Variants in OTOG observed in about 807,000 individuals in gnomAD.
The protein encoded by OTOG is otogelin.
Under a neutral mutation model 313.8 loss-of-function variants are expected in OTOG, and 296 were observed. The observed-to-expected ratio is 0.94, with a 90% confidence interval of 0.86 to 1.04. The LOEUF (loss-of-function observed/expected upper bound fraction) is 1.04, where lower values mean the gene tolerates loss of function less well. Ranked by LOEUF, OTOG falls within the 50% of genes least tolerant of loss-of-function variation. OTOG has a pLI of 0.00. For missense variants in OTOG, 3,948 were observed against 3,840.1 expected (o/e 1.03, Z -0.74); for synonymous variants, 1,533 against 1,554.9 (o/e 0.99, Z 0.33).
At chr11:17,562,046 AAT>A (rs375919593) in intron 15 of OTOG, among the ~76,000 whole-genome samples, 125 of 139,810 alleles carry the variant, frequency 8.9e-4, no homozygotes, top group Middle Eastern at 3.7e-3. Context: ...CTAAAAAAAA[AAT>A]ATATATATAT....
chr11:17,629,312 G>A lies in OTOG; in HGVS notation c.6708G>A (p.Leu2236=), dbSNP rs1310745208. 5 of 1,547,902 alleles carry A rather than the reference G, an allele frequency of 3.2e-6. No homozygotes were observed. Among genetic ancestry groups the A allele is most frequent in the East Asian group, 2.4e-5 (1 of 40,882 alleles). ...CCAGCAAGGCCCAGGGCCATGGCCT[G>A]TGCGGTGAGGTGGAACCCAGCTTGC... The part of the protein sequence containing the change: ...SKTSKAQGHG[L]CGICDGDAAN... The change falls in exon 40 of 56, where the codon CTG becomes CTA. Residue 2236 remains leucine (L), a synonymous_variant. Coordinates refer to ENST00000399397, the MANE Select transcript of OTOG (RefSeq NM_001292063.2).
At chr11:17,636,764 T>C (rs773006689) in intron 47 of OTOG, among the ~76,000 whole-genome samples, 1 of 147,564 alleles carries the variant, frequency 6.8e-6, no homozygotes, top group East Asian at 2.0e-4. Flanking sequence ...GGCAGCCTAG[T>C]CCTATGGATG....
intron 39 of OTOG, among the ~76,000 whole-genome samples, chr11:17,623,751 T>G (rs1426006877): frequency 6.6e-6 from 1 of 152,244 alleles, no homozygotes; most frequent in African/African-American, 2.4e-5. Flanking sequence ...TGAACTAATT[T>G]ATACTCTCAC....
Position 17,559,103 on chromosome 11 carries a change from G to A in OTOG, c.1155G>A (p.Arg385=), listed in dbSNP as rs773611805. 25 of 1,545,810 alleles carry A rather than the reference G, an allele frequency of 1.6e-5. No homozygotes were observed. The highest frequency in any genetic ancestry group is 2.1e-5 in the Non-Finnish European group (24 of 1,146,964). The part of the protein sequence containing the change: ...TWCRALAEYA[R]ACAQAGRPLQ... The stretch of plus-strand genomic sequence containing the variant: ...GCCGGGCACTGGCGGAGTATGCCCG[G>A]GCGTGTGCCCAGGCAGGGCGGCCCT... The change falls in exon 11 of 56, where the codon CGG becomes CGA. Residue 385 remains arginine, a synonymous_variant. Coordinates refer to ENST00000399397, the MANE Select transcript of OTOG (RefSeq NM_001292063.2).
rs12273595 is a variant in OTOG at position 17,549,060 on chromosome 11, G to A, written c.216+848G>A. On this transcript the variant is annotated intron_variant, in intron 3 of 55. Transcript: ENST00000399397. ...ACCATTCCACTGCCCATCTTCCCAC[G>A]GTCCTCTGTGTTTGTGGGAGAGGTG... Among the ~76,000 whole-genome samples, 281 of 152,238 alleles carry A rather than the reference G, an allele frequency of 1.8e-3. 1 individual carries two copies. The highest frequency in any genetic ancestry group is 6.6e-3 in the African/African-American group (276 of 41,554).
intron 47 of OTOG, among the ~76,000 whole-genome samples, chr11:17,637,536 A>G (rs561628901): frequency 6.6e-6 from 1 of 152,178 alleles, no homozygotes; most frequent in African/African-American, 2.4e-5. Flanking sequence ...TAAAACTGAA[A>G]TTTCCATCTA....
Position 17,560,857 on chromosome 11 carries a change from C to T in OTOG, c.1451+40C>T, listed in dbSNP as rs1466531062. 8 of 1,490,970 alleles carry T rather than the reference C, an allele frequency of 5.4e-6. No homozygotes were observed. In the African/African-American group the frequency reaches 7.0e-5, roughly 13 times the overall value. 92.4% of individuals were successfully genotyped at this position (1,490,970 alleles called of 1,614,324 possible). On this transcript the variant is annotated intron_variant, in intron 13 of 55. Transcript: ENST00000399397. Reference sequence around the variant, plus strand: ...CCGGGAAGCAGGGTGTGGGGCATGGCCGCTGAGGCTTTCCACGAGGGCTGC... The same window carrying T: ...CCGGGAAGCAGGGTGTGGGGCATGGTCGCTGAGGCTTTCCACGAGGGCTGC...
In OTOG at chr11:17,641,861, G is replaced by A. The variant is rs1245923612; in HGVS notation, c.8205G>A (p.Glu2735=). ...DIHCEANQEY[E]HPRDLAACCG... is the part of the protein sequence containing the mutation. ...CTGGCCTGTAGAACCAGGAGTACGA[G>A]CACCCGCGGGACCTCGCTGCCTGCT... Residue 2735 remains glutamate, a synonymous_variant, in exon 52 of 56, where the codon GAG becomes GAA. Coordinates refer to ENST00000399397, the MANE Select transcript of OTOG (RefSeq NM_001292063.2). The A allele has an allele frequency of 3.2e-6, 5 of 1,549,896 alleles. No individual in the cohort carries two copies. The Admixed American group carries it at 5.9e-5, about 18-fold the overall frequency.
Position 17,635,128 on chromosome 11 carries a change from A to G in OTOG, c.7634A>G (p.Gln2545Arg). ...CEAELVPSCR[Q>R]DQILITGRLG... ...GCAGAGCTGGTCCCCAGCTGCCGAC[A>G]GGACCAGATCCTGATCACGGGCCGC... Residue 2545 changes from glutamine (Q) to arginine (R), a missense_variant, in exon 46 of 56, where the codon CAG (glutamine) becomes CGG (arginine). Physicochemically the swap from Gln to Arg is conservative, Grantham distance 43. Transcript: ENST00000399397. 1 of 1,549,184 alleles carries G rather than the reference A, an allele frequency of 6.5e-7. No individual in the cohort carries two copies. Among genetic ancestry groups the G allele is most frequent in the Non-Finnish European group, 8.7e-7 (1 of 1,146,678 alleles).
At chr11:17,640,887 T>G in intron 50 of OTOG, 26 bp from the exon 51 acceptor site, 1 of 1,549,172 alleles carries the variant, frequency 6.5e-7, no homozygotes, top group Non-Finnish European at 8.7e-7. Flanking sequence ...TCTGGATGAC[T>G]GTTGCCGCCC....
At chr11:17,620,608 C>T (rs1182219328) in intron 39 of OTOG, among the ~76,000 whole-genome samples, 1 of 152,046 alleles carries the variant, frequency 6.6e-6, no homozygotes, top group Non-Finnish European at 1.5e-5. Flanking sequence ...ATTCTTTGTT[C>T]CTTCATACAT....
intron 3 of OTOG, 64 bp downstream of exon 3, chr11:17,548,276 TG>T (rs1367924559): frequency 7.1e-7 from 1 of 1,411,074 alleles, no homozygotes; most frequent in Admixed American, 2.3e-5. Context: ...GATCTGAGGC[TG>T]GCAGGGAGCT....
intron 31 of OTOG, 56 bp downstream of exon 31, chr11:17,599,753 C>A: frequency 1.3e-6 from 2 of 1,527,010 alleles, no homozygotes; most frequent in Non-Finnish European, 1.8e-6. Context: ...CCAGCCCTGT[C>A]CTGACGCCAC....
chr11:17,555,647 G>A (rs907401116), intron 6 of OTOG, 132 bp from the exon 7 acceptor site: 8 of 678,922 alleles, frequency 1.2e-5, no homozygotes, highest in African/African-American at 3.5e-5. Context: ...GGGACTGAGC[G>A]AGATCACAGA....
At chr11:17,605,313 T>C (rs1179855177) in intron 32 of OTOG, among the ~76,000 whole-genome samples, 1 of 152,200 alleles carries the variant, frequency 6.6e-6, no homozygotes, top group African/African-American at 2.4e-5. Flanking sequence ...TCTCTCTCTC[T>C]GGGACCCTCT....
At chr11:17,595,017 G>A (rs748099167) in intron 28 of OTOG, among the ~76,000 whole-genome samples, 4 of 152,212 alleles carry the variant, frequency 2.6e-5, no homozygotes, top group South Asian at 2.1e-4. Flanking sequence ...TGATATGAGC[G>A]TTACATATTT....
chr11:17,553,363 A>G lies in OTOG; in HGVS notation c.386-2A>G, dbSNP rs952945233. 7.5e-6 allele frequency: 11 copies of G among 1,467,146 alleles called. No homozygotes were observed. The highest frequency in any genetic ancestry group is 1.4e-5 in the African/African-American group (1 of 70,404). 90.9% of individuals were successfully genotyped at this position (1,467,146 alleles called of 1,614,324 possible). A position where few individuals can be genotyped will look rare whatever the true frequency, so the allele number is the denominator to read the frequency against. ...AGAGAGGTTCTCTTTTCTCTCCCTC[A>G]GTGTACAATGCCGGCCCTGAGAGGG... On this transcript the variant is annotated splice_acceptor_variant, in intron 5 of 55. Transcript: ENST00000399397. LOFTEE classifies it high-confidence loss of function.
Position 17,645,954 on chromosome 11 carries a change from G to T in OTOG, c.*10G>T. The stretch of plus-strand genomic sequence containing the variant: ...CTGCCAGTGGTCCTGAGGCCTGGGG[G>T]CCCGGGCTAGCTGGACCACCTCTGC... On this transcript the variant is annotated 3_prime_UTR_variant, in exon 56 of 56. Coordinates refer to ENST00000399397, the MANE Select transcript of OTOG (RefSeq NM_001292063.2). The T allele has an allele frequency of 1.3e-6, 2 of 1,547,116 alleles. No homozygotes were observed. The highest frequency in any genetic ancestry group is 1.2e-5 in the South Asian group (1 of 84,046).
chr11:17,611,737 A>G (rs970791144), intron 36 of OTOG, among the ~76,000 whole-genome samples: 1 of 151,986 alleles, frequency 6.6e-6, no homozygotes, highest in Non-Finnish European at 1.5e-5. Context: ...GCGCTCCTGT[A>G]TCTGCATGTG....
Sources: allele counts gnomAD v4.1 joint callset (sites outside exome capture counted in the v4.1 genomes callset), GRCh38; gene constraint gnomAD v4.1.1; transcripts MANE v1.5; gene names NCBI Gene and HGNC (gene_info 2026-07-23, HGNC 2026-07-21).